LMO7: variants seen among roughly 807,000 people sequenced by gnomAD.
The protein encoded by LMO7 is LIM domain only protein 7.
In LMO7, 120 loss-of-function variants were observed where a neutral mutation model predicts 206.5. The ratio of observed to expected loss-of-function variants is 0.58; its 90% CI spans 0.50 to 0.68. The LOEUF (loss-of-function observed/expected upper bound fraction) is 0.68. Among genes scored for constraint, LMO7 ranks in the 30% least tolerant of loss-of-function variants. The probability of loss-of-function intolerance (pLI) is 0.00; values close to 1 mark genes in which losing one functional copy is unlikely to be tolerated. For missense variants in LMO7, 1,959 were observed against 1,957.9 expected, an observed-to-expected ratio of 1.00 and a Z score of -0.01; for synonymous variants, 706 against 681.5, an observed-to-expected ratio of 1.04 and a Z score of -0.56.
At chr13:75,681,604 G>A (rs1009661939) in intron 1 of LMO7, among the ~76,000 whole-genome samples, 4 of 150,832 alleles carry the variant, frequency 2.7e-5, no homozygotes, top group Non-Finnish European at 4.4e-5. Flanking sequence ...TTCTCACTCT[G>A]TCGTCTTCCC....
intron 26 of LMO7, 154 bp from the exon 27 acceptor site, chr13:75,848,925 T>A (rs1430538817): frequency 3.3e-6 from 2 of 597,220 alleles, no homozygotes; most frequent in Admixed American, 2.9e-5. Context: ...CGTCTATTAT[T>A]TTTTGAGTTG....
At chr13:75,663,699 G>T (rs1056555985) in intron 1 of LMO7, among the ~76,000 whole-genome samples, 1 of 151,924 alleles carries the variant, frequency 6.6e-6, no homozygotes, top group Non-Finnish European at 1.5e-5. Context: ...CAAAGTGCTG[G>T]GATTACAGGC....
chr13:75,627,010 A>T (rs2138733842), intron 2 of LMO7: 1 of 152,298 alleles, frequency 6.6e-6, no homozygotes, highest in East Asian at 1.9e-4. Context: ...GGGTTATTAT[A>T]AAAATTGTAG....
At chr13:75,752,131 T>C (rs1329396743) in intron 3 of LMO7, among the ~76,000 whole-genome samples, 1 of 152,160 alleles carries the variant, frequency 6.6e-6, no homozygotes, top group Non-Finnish European at 1.5e-5. Flanking sequence ...CATTTTATTT[T>C]ATTTTATTAT....
At chr13:75,734,895 G>C (rs603274) in intron 3 of LMO7, among the ~76,000 whole-genome samples, 73,932 of 151,430 alleles carry the variant, frequency 0.49, 19,279 homozygotes, top group African/African-American at 0.68. Context: ...GTCAGGAGAT[G>C]ACGACCATCC....
chr13:75,807,198 G>A (rs2055636464), intron 9 of LMO7: 1 of 350,056 alleles, frequency 2.9e-6, no homozygotes, highest in Non-Finnish European at 5.3e-6. Context: ...GGGGTACCTA[G>A]TCCATGCTCC....
intron 4 of LMO7, among the ~76,000 whole-genome samples, chr13:75,795,003 T>C (rs951183943): frequency 1.3e-5 from 2 of 152,186 alleles, no homozygotes; most frequent in Non-Finnish European, 2.9e-5. Context: ...TTAAGGTTTT[T>C]TTCCCCCCAT....
chr13:75,628,572 G>C (rs1394767589), intron 2 of LMO7: 1 of 152,132 alleles, frequency 6.6e-6, no homozygotes, highest in East Asian at 1.9e-4. Flanking sequence ...CTACCTTCTA[G>C]TCCTTCTTTG....
At chr13:75,735,300 G>A (rs1056542241) in intron 3 of LMO7, among the ~76,000 whole-genome samples, 1 of 151,918 alleles carries the variant, frequency 6.6e-6, no homozygotes, top group Non-Finnish European at 1.5e-5. Context: ...GGACCCTGGA[G>A]CTTGTGAGCC....
intron 28 of LMO7, among the ~76,000 whole-genome samples, chr13:75,854,604 A>C (rs2060769410): frequency 6.6e-6 from 1 of 152,124 alleles, no homozygotes; most frequent in South Asian, 2.1e-4. Flanking sequence ...CGCCTTACCA[A>C]CTGGGAGAGG....
chr13:75,844,498 C>A (rs775266566), intron 25 of LMO7, among the ~76,000 whole-genome samples: 1 of 151,864 alleles, frequency 6.6e-6, no homozygotes, highest in Non-Finnish European at 1.5e-5. Flanking sequence ...CAACCTCCAC[C>A]TCCTGGGTTC....
intron 4 of LMO7, among the ~76,000 whole-genome samples, chr13:75,781,947 A>G (rs995681897): frequency 6.6e-6 from 1 of 151,794 alleles, no homozygotes; most frequent in East Asian, 1.9e-4. Context: ...GTCTGTTCAT[A>G]TCCTTTGCCC....
chr13:75,639,054 G>A (rs574102688), intron 1 of LMO7, among the ~76,000 whole-genome samples: 1 of 152,104 alleles, frequency 6.6e-6, no homozygotes, highest in South Asian at 2.1e-4. Context: ...ATTCGCAACT[G>A]CAGCTTTGAA....
At position 75,761,030 on chromosome 13, in the gene LMO7, C is replaced by G. The variant is rs370405421; in HGVS notation, c.309C>G (p.Val103=). The part of the protein sequence containing the change: ...PGDLQDLSNR[V]TVKQEETDRR... ...ATCTACAGGATTTATCAAATCGAGT[C>G]ACTGTCAAGTAAGTTTCAACAGTTT... Residue 103 remains valine (V), a synonymous_variant, in exon 4 of 31, where the codon GTC becomes GTG. Coordinates refer to ENST00000377534, the MANE Select transcript of LMO7 (RefSeq NM_001306080.2). 1.9e-6 allele frequency: 3 copies of G among 1,605,892 alleles called. No individual in the cohort carries two copies. Among genetic ancestry groups the G allele is most frequent in the Non-Finnish European group, 2.6e-6 (3 of 1,174,484 alleles).
At chr13:75,730,478 C>G (rs2045047597) in intron 3 of LMO7, among the ~76,000 whole-genome samples, 1 of 152,068 alleles carries the variant, frequency 6.6e-6, no homozygotes, top group South Asian at 2.1e-4. Context: ...GGTGATATCC[C>G]CTTTATCATT....
chr13:75,802,583 C>T (rs989555884), intron 7 of LMO7, among the ~76,000 whole-genome samples: 8 of 152,184 alleles, frequency 5.3e-5, no homozygotes, highest in Admixed American at 2.0e-4. Context: ...GAATCTAAGT[C>T]GTCTTCTCAG....
At chr13:75,855,106 T>C in intron 28 of LMO7, 154 bp from the exon 29 acceptor site, 1 of 522,744 alleles carries the variant, frequency 1.9e-6, no homozygotes, top group Non-Finnish European at 3.4e-6. Flanking sequence ...ATCAAGGCAC[T>C]CTTTAGTTGG....
chr13:75,736,604 G>A (rs572541349), intron 3 of LMO7, among the ~76,000 whole-genome samples: 1 of 152,182 alleles, frequency 6.6e-6, no homozygotes, highest in Non-Finnish European at 1.5e-5. Context: ...ATCTCAAAGA[G>A]TTTACATTCT....
At chr13:75,666,895 G>A (rs535533877) in intron 1 of LMO7, among the ~76,000 whole-genome samples, 19 of 152,228 alleles carry the variant, frequency 1.2e-4, no homozygotes, top group African/African-American at 4.6e-4. Context: ...GAGAAACGAG[G>A]GCTCAAGTTG....
Sources: allele counts gnomAD v4.1 joint callset (sites outside exome capture counted in the v4.1 genomes callset), GRCh38; gene constraint gnomAD v4.1.1; transcripts MANE v1.5; gene names NCBI Gene and HGNC (gene_info 2026-07-23, HGNC 2026-07-21).